GNG12: variants seen among roughly 807,000 people sequenced by gnomAD.
GNG12 encodes the protein G protein subunit gamma 12.
For missense variants in GNG12, 69 were observed against 83.8 expected, an observed-to-expected ratio of 0.82 and a Z score of 0.69; for synonymous variants, 28 against 29.7, an observed-to-expected ratio of 0.94 and a Z score of 0.19.
At chr1:67,753,170 G>T (rs1417506245) in intron 2 of GNG12, among the ~76,000 whole-genome samples, 2 of 152,130 alleles carry the variant, frequency 1.3e-5, no homozygotes, top group Non-Finnish European at 1.5e-5. Flanking sequence ...TATGTTGAAA[G>T]AATTTTTTTT....
chr1:67,769,501 T>C (rs1399112127), intron 2 of GNG12, among the ~76,000 whole-genome samples: 3 of 152,310 alleles, frequency 2.0e-5, no homozygotes, highest in Non-Finnish European at 2.9e-5. Context: ...CATGGAGCCC[T>C]GATCAAAATG....
chr1:67,816,167 T>C (rs1222956602), intron 1 of GNG12, among the ~76,000 whole-genome samples: 1 of 152,200 alleles, frequency 6.6e-6, no homozygotes, highest in Non-Finnish European at 1.5e-5. Context: ...AAAAAGATAA[T>C]GTACGAAATC....
chr1:67,750,755 T>TA (rs1212948118), intron 2 of GNG12, among the ~76,000 whole-genome samples: 1 of 152,206 alleles, frequency 6.6e-6, no homozygotes, highest in African/African-American at 2.4e-5. Flanking sequence ...TATATCTACT[T>TA]ACATGCAGTC....
chr1:67,817,792 T>C (rs79893722), intron 1 of GNG12, among the ~76,000 whole-genome samples: 30,095 of 134,448 alleles, frequency 0.22, 2,918 homozygotes, highest in Admixed American at 0.29. Flanking sequence ...TCTTTCTTTT[T>C]TTTTTTTTTT....
intron 2 of GNG12, among the ~76,000 whole-genome samples, chr1:67,744,305 G>A (rs1010262907): frequency 6.6e-6 from 1 of 152,098 alleles, no homozygotes; most frequent in South Asian, 2.1e-4. Context: ...GGTTCCCCGG[G>A]TGCCTACTAA....
At chr1:67,811,908 T>C (rs1255336615) in intron 1 of GNG12, among the ~76,000 whole-genome samples, 1 of 152,200 alleles carries the variant, frequency 6.6e-6, no homozygotes, top group Non-Finnish European at 1.5e-5. Flanking sequence ...TTGCTGTATT[T>C]GTTTACGGAA....
chr1:67,758,549 C>T (rs1570519913), intron 2 of GNG12, among the ~76,000 whole-genome samples: 1 of 152,164 alleles, frequency 6.6e-6, no homozygotes, highest in Non-Finnish European at 1.5e-5. Context: ...TGAGTGGCTG[C>T]TATATGCACA....
chr1:67,729,709 G>C (rs1380497322), intron 2 of GNG12, among the ~76,000 whole-genome samples: 1 of 152,180 alleles, frequency 6.6e-6, no homozygotes, highest in African/African-American at 2.4e-5. Context: ...TCTGTTGGAG[G>C]TTGTGTGGGA....
intron 2 of GNG12, among the ~76,000 whole-genome samples, chr1:67,729,537 G>A (rs1462028724): frequency 6.6e-6 from 1 of 152,032 alleles, no homozygotes; most frequent in Non-Finnish European, 1.5e-5. Context: ...CCTCCCTTCC[G>A]AGTCCCCTGC....
chr1:67,814,084 C>A (rs11209158), intron 1 of GNG12, among the ~76,000 whole-genome samples: 9 of 152,158 alleles, frequency 5.9e-5, no homozygotes, highest in African/African-American at 1.9e-4. Context: ...TCTAATACTA[C>A]ATGAGCCCCC....
chr1:67,703,780 T>C lies in GNG12; in HGVS notation c.*1671A>G, dbSNP rs955399527. On this transcript the variant is annotated 3_prime_UTR_variant, in exon 4 of 4. Transcript: ENST00000370982. ...GAAATACTGAATAAATGTGAGCAGT[T>C]TGAAAACAGTAATGCATTTGTCCAC... 3 of 152,222 alleles carry C rather than the reference T, an allele frequency of 2.0e-5. No homozygotes were observed. Among genetic ancestry groups the C allele is most frequent in the Non-Finnish European group, 2.9e-5 (2 of 68,044 alleles). 9.4% of individuals were successfully genotyped at this position (152,222 alleles called of 1,614,324 possible).
chr1:67,794,657 T>G (rs1407305050), intron 1 of GNG12, among the ~76,000 whole-genome samples: 6 of 152,238 alleles, frequency 3.9e-5, no homozygotes, highest in Admixed American at 6.5e-5. Context: ...TTTCTGTTAC[T>G]TATAGTCTTG....
intron 1 of GNG12, among the ~76,000 whole-genome samples, chr1:67,822,187 T>C (rs1353013263): frequency 3.3e-5 from 5 of 152,114 alleles, no homozygotes; most frequent in Non-Finnish European, 5.9e-5. Context: ...ATTTTGCAAT[T>C]TGTCTGTAAG....
At chr1:67,707,399 T>G (rs1646255755) in intron 3 of GNG12, among the ~76,000 whole-genome samples, 195 bp downstream of exon 3, 1 of 152,224 alleles carries the variant, frequency 6.6e-6, no homozygotes, top group Non-Finnish European at 1.5e-5. Flanking sequence ...GAGAGGCTAA[T>G]GCAGACACTT....
chr1:67,756,042 G>A (rs987423097), intron 2 of GNG12, among the ~76,000 whole-genome samples: 2 of 152,168 alleles, frequency 1.3e-5, no homozygotes, highest in African/African-American at 4.8e-5. Context: ...CTTGTGCCTG[G>A]CCCTGGGGCT....
intron 2 of GNG12, among the ~76,000 whole-genome samples, chr1:67,723,629 T>G (rs1646369357): frequency 6.6e-6 from 1 of 152,200 alleles, no homozygotes; most frequent in South Asian, 2.1e-4. Flanking sequence ...ATTAACTTAA[T>G]TTTCAAAACA....
chr1:67,797,629 T>C (rs1010890873), intron 1 of GNG12, among the ~76,000 whole-genome samples: 1 of 152,234 alleles, frequency 6.6e-6, no homozygotes, highest in Non-Finnish European at 1.5e-5. Flanking sequence ...TAGTTCTGAC[T>C]TTTGAAAAAT....
chr1:67,809,064 T>C (rs1402663146), intron 1 of GNG12, among the ~76,000 whole-genome samples: 1 of 152,182 alleles, frequency 6.6e-6, no homozygotes, highest in Non-Finnish European at 1.5e-5. Flanking sequence ...ATTAAGGCAG[T>C]GTGGTATTAG....
At chr1:67,747,009 G>T (rs1646511563) in intron 2 of GNG12, among the ~76,000 whole-genome samples, 1 of 152,090 alleles carries the variant, frequency 6.6e-6, no homozygotes, top group Non-Finnish European at 1.5e-5. Flanking sequence ...AAACTGGTGA[G>T]TTTCAACTTA....
Sources: allele counts gnomAD v4.1 joint callset (sites outside exome capture counted in the v4.1 genomes callset), GRCh38; gene constraint gnomAD v4.1.1; transcripts MANE v1.5; gene names NCBI Gene and HGNC (gene_info 2026-07-23, HGNC 2026-07-21).